The following SEC23B variants were observed in gnomAD, a reference collection of about 807,000 sequenced individuals.
The protein encoded by SEC23B is SEC23 homolog B, COPII component.
A neutral mutation model predicts 104.3 loss-of-function variants in SEC23B; 77 were observed. That is an observed-to-expected ratio of 0.74 (90% CI 0.61 to 0.89). SEC23B has a LOEUF of 0.89. Ranked by LOEUF, SEC23B falls within the 40% of genes least tolerant of loss-of-function variation. SEC23B has a pLI of 0.00. For synonymous variants in SEC23B, 338 were observed against 332.5 expected, an observed-to-expected ratio of 1.02 and a Z score of -0.18; for missense variants, 885 against 949.4, an observed-to-expected ratio of 0.93 and a Z score of 0.89.
At chr20:18,538,681 A>C (rs2060259344) in intron 12 of SEC23B, among the ~76,000 whole-genome samples, 1 of 152,238 alleles carries the variant, frequency 6.6e-6, no homozygotes, top group South Asian at 2.1e-4. Flanking sequence ...TCTTTAAAAA[A>C]TGGAATCAAT....
chr20:18,544,572 G>A (rs1285339604), intron 14 of SEC23B, among the ~76,000 whole-genome samples: 1 of 152,152 alleles, frequency 6.6e-6, no homozygotes, highest in African/African-American at 2.4e-5. Context: ...AGGCTAGGTT[G>A]TGCAGTGGGG....
rs1023838928 is a variant in SEC23B at position 18,526,271 on chromosome 20, A to G, written c.835-102A>G. The G allele has an allele frequency of 4.5e-6, 6 of 1,326,194 alleles. No individual in the cohort carries two copies. In the Admixed American group the frequency reaches 5.4e-5, roughly 12 times the overall value. 82.2% of individuals were successfully genotyped at this position (1,326,194 alleles called of 1,614,324 possible). A position where few individuals can be genotyped will look rare whatever the true frequency, so the allele number is the denominator to read the frequency against. On this transcript the variant is annotated intron_variant, in intron 7 of 19. Transcript: ENST00000650089. ...CTGCATTATCACCACTTTTTAGGAC[A>G]GCTGGAGAGAATGCATCTTTGGAGT...
intron 15 of SEC23B, 108 bp from the exon 16 acceptor site, chr20:18,548,501 C>G: frequency 9.4e-7 from 1 of 1,064,512 alleles, no homozygotes; most frequent in Non-Finnish European, 1.4e-6. Context: ...AACCAGAGAG[C>G]CCTTTTCTGG....
chr20:18,542,346 G>A lies in SEC23B; in HGVS notation c.1455G>A (p.Thr485=), dbSNP rs553661024. 6.8e-6 allele frequency: 11 copies of A among 1,614,194 alleles called. No homozygotes were observed. The highest frequency in any genetic ancestry group is 1.7e-5 in the Admixed American group (1 of 60,024). The part of the protein sequence containing the change: ...QGGRGAIQFV[T]HYQHSSTQRR... ...GCAGAGGAGCCATCCAGTTTGTCAC[G>A]CATTATCAGCACTCCAGCACCCAGA... Residue 485 remains threonine (T), a synonymous_variant, in exon 13 of 20, where the codon ACG becomes ACA. Coordinates refer to ENST00000650089, the MANE Select transcript of SEC23B (RefSeq NM_006363.6).
rs778297150 is a variant in SEC23B, at chr20:18,510,979, T to A, written c.144T>A (p.Arg48=). 1.2e-6 allele frequency: 2 copies of A among 1,614,160 alleles called. No individual in the cohort carries two copies. The highest frequency in any genetic ancestry group is 1.7e-6 in the Non-Finnish European group (2 of 1,180,008). ...GTCTCCTTACTCCTTTGAAAGAACG[T>A]CCAGACCTACCTCCTGTACAATATG... The part of the protein sequence containing the change: ...LACLLTPLKE[R]PDLPPVQYEP... Residue 48 remains arginine, a synonymous_variant, in exon 2 of 20, where the codon CGT becomes CGA. Transcript: ENST00000650089.
chr20:18,512,529 C>G (rs1318593081), intron 3 of SEC23B, among the ~76,000 whole-genome samples: 2 of 152,116 alleles, frequency 1.3e-5, no homozygotes, highest in Non-Finnish European at 2.9e-5. Flanking sequence ...CCTTTTCTTA[C>G]ACATTTTCTG....
intron 4 of SEC23B, among the ~76,000 whole-genome samples, chr20:18,520,585 C>T (rs1349999144): frequency 6.6e-6 from 1 of 152,010 alleles, no homozygotes; most frequent in Non-Finnish European, 1.5e-5. Flanking sequence ...GGGAGCCGGG[C>T]AGGTGAGGAT....
intron 19 of SEC23B, among the ~76,000 whole-genome samples, chr20:18,559,353 G>A (rs1357849450): frequency 1.3e-5 from 2 of 152,240 alleles, no homozygotes; most frequent in African/African-American, 4.8e-5. Context: ...GCCAGGTTGC[G>A]GTGGAAGTCC....
intron 1 of SEC23B, among the ~76,000 whole-genome samples, chr20:18,509,016 C>T (rs923643256): frequency 6.6e-6 from 1 of 152,176 alleles, no homozygotes; most frequent in Non-Finnish European, 1.5e-5. Context: ...CCACCGCGCC[C>T]GGCCGCCAGT....
chr20:18,525,126 G>A lies in SEC23B; in HGVS notation c.689+106G>A, dbSNP rs192203913. The A allele has an allele frequency of 6.4e-3, 6,894 of 1,073,192 alleles. 104 individuals carry two copies. The highest frequency in any genetic ancestry group is 0.04 in the Middle Eastern group (202 of 5,046). The allele number at this position is 1,073,192 out of a possible 1,614,324, so 66.5% of individuals were successfully genotyped here. A position where few individuals can be genotyped will look rare whatever the true frequency, so the allele number is the denominator to read the frequency against. On this transcript the variant is annotated intron_variant, in intron 6 of 19. Transcript: ENST00000650089. ...GAATTTGTATTTTCTTATTATTAGAGAAAAAGATAAATGATTAAGCCTAAT... is the reference window on the plus strand; with the variant it reads ...GAATTTGTATTTTCTTATTATTAGAAAAAAAGATAAATGATTAAGCCTAAT...
At chr20:18,544,062 C>T (rs1040240852) in intron 14 of SEC23B, among the ~76,000 whole-genome samples, 3 of 152,168 alleles carry the variant, frequency 2.0e-5, no homozygotes, top group Non-Finnish European at 4.4e-5. Flanking sequence ...CGCTTGATAT[C>T]GTGCCAGCTG....
intron 8 of SEC23B, among the ~76,000 whole-genome samples, chr20:18,527,047 TC>T (rs1337183468): frequency 3.9e-5 from 6 of 152,226 alleles, no homozygotes; most frequent in Admixed American, 3.3e-4. Flanking sequence ...GAAACGCCTG[TC>T]TGTACTAAAA....
intron 10 of SEC23B, 57 bp downstream of exon 10, chr20:18,530,860 T>A: frequency 6.9e-7 from 1 of 1,449,408 alleles, no homozygotes; most frequent in Non-Finnish European, 9.6e-7. Flanking sequence ...CAGGCTGGTC[T>A]CAAACTCCTG....
intron 12 of SEC23B, among the ~76,000 whole-genome samples, chr20:18,536,508 T>G (rs1230383583): frequency 1.3e-5 from 2 of 151,986 alleles, no homozygotes; most frequent in African/African-American, 4.8e-5. Flanking sequence ...CTGGCTAATA[T>G]GGTGAAACCC....
At position 18,527,428 on chromosome 20, in the gene SEC23B, T is replaced by G. The variant is rs550886867; in HGVS notation, c.994-68T>G. 4.3e-5 allele frequency: 37 copies of G among 865,790 alleles called. No homozygotes were observed. In the African/African-American group the frequency reaches 5.3e-4, roughly 12 times the overall value. 53.6% of individuals were successfully genotyped at this position (865,790 alleles called of 1,614,324 possible). ...ATGTTTTTATATTTGATTACCTCCT[T>G]CGGTAATTCAGGCATACCTTGGGAA... On this transcript the variant is annotated intron_variant, in intron 8 of 19. Coordinates refer to ENST00000650089, the MANE Select transcript of SEC23B (RefSeq NM_006363.6).
At chr20:18,523,612 A>G (rs1242511069) in intron 4 of SEC23B, among the ~76,000 whole-genome samples, 1 of 151,638 alleles carries the variant, frequency 6.6e-6, no homozygotes, top group African/African-American at 2.4e-5. Flanking sequence ...CATGTTGGCC[A>G]GGGTGGTCTT....
chr20:18,537,660 A>G (rs552207860), intron 12 of SEC23B, among the ~76,000 whole-genome samples: 98 of 152,286 alleles, frequency 6.4e-4, no homozygotes, highest in African/African-American at 1.5e-3. Flanking sequence ...TGGGTACAGC[A>G]CACCAGCATG....
chr20:18,511,640 C>G (rs2059983188), intron 2 of SEC23B, among the ~76,000 whole-genome samples: 1 of 151,862 alleles, frequency 6.6e-6, no homozygotes, highest in Admixed American at 6.6e-5. Context: ...ATTCTCATTG[C>G]TTTTATTTAA....
chr20:18,519,978 A>G (rs1340311593), intron 4 of SEC23B, among the ~76,000 whole-genome samples: 2 of 152,234 alleles, frequency 1.3e-5, no homozygotes, highest in Non-Finnish European at 2.9e-5. Flanking sequence ...TTGCGGCAGT[A>G]GAGCCCAGGT....
Sources: gnomAD v4.1 joint callset for allele counts (sites outside exome capture counted in the v4.1 genomes callset) on GRCh38, gnomAD v4.1.1 for gene constraint, MANE v1.5 for transcripts, NCBI Gene and HGNC (gene_info 2026-07-23, HGNC 2026-07-21) for gene names.